The following BICDL1 variants were observed in gnomAD, a reference collection of about 807,000 sequenced individuals.
BICDL1 encodes BICD family like cargo adaptor 1.
A neutral mutation model predicts 76.8 loss-of-function variants in BICDL1; 20 were observed. The ratio of observed to expected loss-of-function variants is 0.26; its 90% CI spans 0.18 to 0.38. The LOEUF is 0.38. Ranked by LOEUF, BICDL1 falls within the 10% of genes least tolerant of loss-of-function variation. The pLI is 1.00. For synonymous variants in BICDL1, 383 were observed against 337.1 expected (o/e 1.14, Z -1.49); for missense variants, 700 against 798.6 (o/e 0.88, Z 1.49).
chr12:120,078,836 A>G (rs1443461832), intron 7 of BICDL1, among the ~76,000 whole-genome samples: 1 of 152,220 alleles, frequency 6.6e-6, no homozygotes, highest in African/African-American at 2.4e-5. Flanking sequence ...CTCTGCTGGC[A>G]GAATGTCCGA....
chr12:119,998,829 G>A, intron 2 of BICDL1, 93 bp downstream of exon 2: 4 of 1,269,118 alleles, frequency 3.2e-6, no homozygotes, highest in Non-Finnish European at 4.4e-6. Context: ...AGCATTTCGG[G>A]AGGCCAAGGT....
chr12:120,018,991 G>A (rs1286917743), intron 2 of BICDL1: 1 of 148,366 alleles, frequency 6.7e-6, no homozygotes, highest in Non-Finnish European at 1.5e-5. Context: ...CTTGCAGTGA[G>A]CCGAGATCCC....
chr12:120,071,496 G>A lies in BICDL1; in HGVS notation c.910-126G>A. 7.5e-7 allele frequency: 1 copy of A among 1,328,978 alleles called. No individual in the cohort carries two copies. Among genetic ancestry groups the A allele is most frequent in the African/African-American group, 1.5e-5 (1 of 67,064 alleles). The allele number at this position is 1,328,978 out of a possible 1,614,324, so 82.3% of individuals were successfully genotyped here. ...TGCATCTCCTGATGTAGTTTAACAT[G>A]TTCTTCTCTCCTATTTATTTTTCTA... On this transcript the variant is annotated intron_variant, in intron 4 of 9. Coordinates refer to ENST00000548673, the MANE Select transcript of BICDL1 (RefSeq NM_001367886.1). The surrounding 1 kb of genome is among the most constrained non-coding windows in gnomAD (Gnocchi z 4.8).
intron 9 of BICDL1, chr12:120,091,048 CG>C: frequency 7.8e-7 from 1 of 1,288,748 alleles, no homozygotes; most frequent in Non-Finnish European, 1.0e-6. Flanking sequence ...TCCCATCCAC[CG>C]TCTCGCCCTG....
intron 2 of BICDL1, among the ~76,000 whole-genome samples, chr12:120,005,976 A>G (rs1388836325): frequency 6.6e-6 from 1 of 152,234 alleles, no homozygotes; most frequent in Non-Finnish European, 1.5e-5. Context: ...TAAATTTTTA[A>G]TAGATACTAT....
At chr12:120,027,023 A>ATTCCTTTTTTTT (rs1555285375) in intron 2 of BICDL1, among the ~76,000 whole-genome samples, 1 of 137,260 alleles carries the variant, frequency 7.3e-6, no homozygotes. Context: ...TAATGATGTA[A>ATTCCTTTTTTTT]TTTCTTTTTT....
intron 2 of BICDL1, among the ~76,000 whole-genome samples, chr12:120,046,410 T>C (rs1952750863): frequency 6.6e-6 from 1 of 152,240 alleles, no homozygotes; most frequent in African/African-American, 2.4e-5. Flanking sequence ...AAGGTGAATA[T>C]AGTAACAGCA....
chr12:120,038,309 T>C (rs185838167), intron 2 of BICDL1, among the ~76,000 whole-genome samples: 2 of 152,394 alleles, frequency 1.3e-5, no homozygotes, highest in African/African-American at 2.4e-5. Context: ...ATTTTGAATT[T>C]GCTCTTAGTG....
chr12:120,013,783 A>G (rs1212414743), intron 2 of BICDL1, among the ~76,000 whole-genome samples: 2 of 152,150 alleles, frequency 1.3e-5, no homozygotes, highest in African/African-American at 2.4e-5. Flanking sequence ...TTTATCCCCA[A>G]CAACACTTAG....
intron 2 of BICDL1, among the ~76,000 whole-genome samples, chr12:120,026,910 T>C (rs1308676916): frequency 6.6e-6 from 1 of 152,150 alleles, no homozygotes; most frequent in Non-Finnish European, 1.5e-5. Flanking sequence ...TCCAACTGAA[T>C]TGGAGTTGGT....
At chr12:120,065,630 T>C (rs1347412158) in intron 4 of BICDL1, among the ~76,000 whole-genome samples, 3 of 152,062 alleles carry the variant, frequency 2.0e-5, no homozygotes, top group African/African-American at 7.2e-5. Flanking sequence ...AAACTAGGAG[T>C]GCATTGCTTC....
chr12:120,081,544 TCAC>T (rs1873989715), intron 8 of BICDL1, among the ~76,000 whole-genome samples: 1 of 151,960 alleles, frequency 6.6e-6, no homozygotes, highest in African/African-American at 2.4e-5. Context: ...AGACAGGGTT[TCAC>T]CATATTGGCC....
At chr12:120,083,941 C>T (rs1874196090) in intron 8 of BICDL1, among the ~76,000 whole-genome samples, 1 of 152,154 alleles carries the variant, frequency 6.6e-6, no homozygotes, top group Non-Finnish European at 1.5e-5. Context: ...GCGTGAGCCA[C>T]TGTGCCCAGC....
chr12:120,033,781 G>GTA (rs749039224), intron 2 of BICDL1, among the ~76,000 whole-genome samples: 29 of 151,368 alleles, frequency 1.9e-4, no homozygotes, highest in Admixed American at 2.6e-4. Context: ...ACTGGAGAGA[G>GTA]TATATATATA....
chr12:120,082,875 A>T (rs917196580), intron 8 of BICDL1, among the ~76,000 whole-genome samples: 1 of 150,334 alleles, frequency 6.7e-6, no homozygotes, highest in Non-Finnish European at 1.5e-5. Flanking sequence ...AGCCGTGTTT[A>T]TTTTATTTTA....
At chr12:119,995,252 T>G (rs577787003) in intron 1 of BICDL1, among the ~76,000 whole-genome samples, 3 of 152,334 alleles carry the variant, frequency 2.0e-5, no homozygotes, top group African/African-American at 7.2e-5. Flanking sequence ...GAGAAACTTT[T>G]CTCAGAGCAG....
intron 2 of BICDL1, among the ~76,000 whole-genome samples, chr12:120,008,633 C>G (rs192064004): frequency 1.3e-5 from 2 of 152,236 alleles, no homozygotes; most frequent in East Asian, 3.9e-4. Context: ...GTATTTCTAT[C>G]TCATTGATTT....
intron 8 of BICDL1, 55 bp downstream of exon 8, chr12:120,081,072 G>A (rs1873933319): frequency 6.4e-7 from 1 of 1,554,530 alleles, no homozygotes; most frequent in Non-Finnish European, 8.8e-7. Flanking sequence ...ATATAGAATT[G>A]AGCATATGCT....
chr12:120,017,609 A>G (rs1294544056), intron 2 of BICDL1, among the ~76,000 whole-genome samples: 1 of 152,054 alleles, frequency 6.6e-6, no homozygotes, highest in Non-Finnish European at 1.5e-5. Flanking sequence ...GCACAGGTCT[A>G]TAGTTGTAGC....
Sources: allele counts gnomAD v4.1 joint callset (sites outside exome capture counted in the v4.1 genomes callset), GRCh38; gene constraint gnomAD v4.1.1; non-coding constraint Gnocchi (gnomAD v3.1); transcripts MANE v1.5; gene names NCBI Gene and HGNC (gene_info 2026-07-23, HGNC 2026-07-21).